Variants in CAMK1D observed in about 807,000 individuals in gnomAD.
CAMK1D encodes calcium/calmodulin dependent protein kinase ID, also known as calcium/calmodulin-dependent protein kinase type 1D.
CAMK1D carries 9 observed loss-of-function variants against 47.7 expected under a neutral mutation model. The ratio of observed to expected loss-of-function variants is 0.19; its 90% CI spans 0.11 to 0.33. The LOEUF (loss-of-function observed/expected upper bound fraction) is 0.33, where lower values mean the gene tolerates loss of function less well. Among genes scored for constraint, CAMK1D ranks in the 10% least tolerant of loss-of-function variants. The probability of loss-of-function intolerance (pLI) is 1.00; values close to 1 mark genes in which losing one functional copy is unlikely to be tolerated. For synonymous variants in CAMK1D, 184 were observed against 184.9 expected, an observed-to-expected ratio of 0.99 and a Z score of 0.04; for missense variants, 291 against 488.7, an observed-to-expected ratio of 0.60 and a Z score of 3.81.
Position 12,524,963 on chromosome 10 carries a change from T to C in CAMK1D, c.93-28262T>C, listed in dbSNP as rs189898145. On this transcript the variant is annotated intron_variant, in intron 1 of 10. Transcript: ENST00000619168. Reference sequence around the variant, plus strand: ...TCTCTTTTTTCCTTCACTGAGAATGTCTTTATTTCCCCTTTATTTCTAAAT... The same window carrying C: ...TCTCTTTTTTCCTTCACTGAGAATGCCTTTATTTCCCCTTTATTTCTAAAT... Among the ~76,000 whole-genome samples, 27 of 152,348 alleles carry C rather than the reference T, an allele frequency of 1.8e-4. 1 individual carries two copies. The highest frequency in any genetic ancestry group is 1.7e-3 in the Admixed American group (26 of 15,304).
intron 1 of CAMK1D, among the ~76,000 whole-genome samples, chr10:12,379,522 G>T (rs1412886547): frequency 2.0e-5 from 3 of 152,132 alleles, no homozygotes; most frequent in Admixed American, 2.0e-4. Flanking sequence ...GGATGCTGAG[G>T]CCAGTGGATC....
At chr10:12,682,053 A>T (rs1475913114) in intron 3 of CAMK1D, among the ~76,000 whole-genome samples, 1 of 152,182 alleles carries the variant, frequency 6.6e-6, no homozygotes, top group East Asian at 1.9e-4. Context: ...CCCCGTCTCT[A>T]CTAAAAAATA....
At chr10:12,649,357 G>A (rs1299043970) in intron 2 of CAMK1D, among the ~76,000 whole-genome samples, 4 of 152,218 alleles carry the variant, frequency 2.6e-5, no homozygotes, top group Admixed American at 1.3e-4. Context: ...AGGGGAGGTC[G>A]GCTGGCAAAT....
intron 2 of CAMK1D, among the ~76,000 whole-genome samples, chr10:12,660,702 A>G (rs1448576451): frequency 6.6e-6 from 1 of 152,190 alleles, no homozygotes; most frequent in East Asian, 1.9e-4. Flanking sequence ...TTCTCTCTGT[A>G]TATAGATGTG....
intron 2 of CAMK1D, among the ~76,000 whole-genome samples, chr10:12,606,187 C>CGGGGGG (rs143958455): frequency 0.073 from 11,115 of 152,260 alleles, 915 homozygotes; most frequent in African/African-American, 0.2. Flanking sequence ...CGCGGCTGCT[C>CGGGGGG]AGGGACCACA....
At chr10:12,627,258 AT>A (rs1177119841) in intron 2 of CAMK1D, among the ~76,000 whole-genome samples, 1 of 150,838 alleles carries the variant, frequency 6.6e-6, no homozygotes, top group Non-Finnish European at 1.5e-5. Context: ...ATTTTTTTGT[AT>A]TTTTTTAGTA....
chr10:12,659,053 C>A (rs532812106), intron 2 of CAMK1D, among the ~76,000 whole-genome samples: 18 of 152,310 alleles, frequency 1.2e-4, no homozygotes, highest in African/African-American at 4.3e-4. Flanking sequence ...TAAGCATTCA[C>A]CCCAGATGCT....
chr10:12,405,271 G>C (rs1045838203), intron 1 of CAMK1D, among the ~76,000 whole-genome samples: 1 of 152,158 alleles, frequency 6.6e-6, no homozygotes, highest in Non-Finnish European at 1.5e-5. Flanking sequence ...GACCTAAAGC[G>C]TTTAAGTTCC....
chr10:12,478,061 A>G (rs201679697), intron 1 of CAMK1D, among the ~76,000 whole-genome samples: 2 of 127,218 alleles, frequency 1.6e-5, no homozygotes, highest in East Asian at 2.4e-4. Flanking sequence ...GCTGGAGTGC[A>G]GTGGTGTGAT....
At chr10:12,733,511 C>T (rs1359797145) in intron 3 of CAMK1D, among the ~76,000 whole-genome samples, 1 of 152,122 alleles carries the variant, frequency 6.6e-6, no homozygotes, top group Non-Finnish European at 1.5e-5. Context: ...GAATTTCCAT[C>T]AGACTAGGCA....
At chr10:12,663,485 C>T (rs1262801614) in intron 2 of CAMK1D, among the ~76,000 whole-genome samples, 2 of 152,128 alleles carry the variant, frequency 1.3e-5, no homozygotes, top group African/African-American at 2.4e-5. Context: ...AGCTAGTTCT[C>T]TGTTGGTCCT....
rs181644216 is a variant in CAMK1D at position 12,380,628 on chromosome 10, C to T, written c.92+30718C>T. Among the ~76,000 whole-genome samples the T allele has an allele frequency of 9.7e-3, 1,478 of 152,216 alleles. 23 individuals are homozygous for T. Among genetic ancestry groups the T allele is most frequent in the African/African-American group, 0.033 (1,366 of 41,522 alleles). On this transcript the variant is annotated intron_variant, in intron 1 of 10. Coordinates refer to ENST00000619168, the MANE Select transcript of CAMK1D (RefSeq NM_153498.4). ...ATCCCAGCACTTTGGGAGGCCAAGG[C>T]GGGCGGATCACGAGGTCAGAGATCG... is the stretch of plus-strand genomic sequence containing the variant.
At chr10:12,647,939 G>T (rs1489675081) in intron 2 of CAMK1D, among the ~76,000 whole-genome samples, 1 of 152,220 alleles carries the variant, frequency 6.6e-6, no homozygotes, top group African/African-American at 2.4e-5. Flanking sequence ...TCTGTGTGCA[G>T]GTGTGCAGAT....
intron 1 of CAMK1D, among the ~76,000 whole-genome samples, chr10:12,399,906 G>A (rs1165165134): frequency 6.6e-6 from 1 of 152,146 alleles, no homozygotes; most frequent in Admixed American, 6.5e-5. Context: ...TCAACAATAT[G>A]TGTTAAATGA....
chr10:12,615,566 C>T (rs528529921), intron 2 of CAMK1D, among the ~76,000 whole-genome samples: 1 of 33,970 alleles, frequency 2.9e-5, no homozygotes, highest in South Asian at 2.2e-3. Context: ...GTGTGTATAT[C>T]GTGTGTGTGC....
At chr10:12,613,990 C>T (rs920043150) in intron 2 of CAMK1D, among the ~76,000 whole-genome samples, 1 of 152,206 alleles carries the variant, frequency 6.6e-6, no homozygotes. Flanking sequence ...TCACCCCCAT[C>T]ACACAATCCT....
intron 5 of CAMK1D, among the ~76,000 whole-genome samples, chr10:12,784,329 C>T (rs1475413243): frequency 6.6e-6 from 1 of 151,544 alleles, no homozygotes; most frequent in Non-Finnish European, 1.5e-5. Context: ...TCCTGAGTAG[C>T]TGGAATTACA....
intron 1 of CAMK1D, among the ~76,000 whole-genome samples, chr10:12,406,042 C>T (rs758156073): frequency 1.3e-5 from 2 of 152,052 alleles, no homozygotes; most frequent in Admixed American, 6.5e-5. Flanking sequence ...TTTCTTGTCG[C>T]GTGTAGGATT....
At chr10:12,419,394 A>G (rs1295052626) in intron 1 of CAMK1D, among the ~76,000 whole-genome samples, 1 of 152,150 alleles carries the variant, frequency 6.6e-6, no homozygotes, top group Admixed American at 6.5e-5. Context: ...AACATTTTCC[A>G]ATGTTGGGTA....
Sources: allele counts gnomAD v4.1 joint callset (sites outside exome capture counted in the v4.1 genomes callset), GRCh38; gene constraint gnomAD v4.1.1; transcripts MANE v1.5; gene names NCBI Gene and HGNC (gene_info 2026-07-23, HGNC 2026-07-21).